RTF1: variants seen among roughly 807,000 people sequenced by gnomAD.
RTF1 encodes the protein RNA polymerase-associated protein RTF1 homolog.
In RTF1, 10 loss-of-function variants were observed where a neutral mutation model predicts 95.7. The observed-to-expected ratio is 0.10, with a 90% CI of 0.06 to 0.18. The LOEUF (loss-of-function observed/expected upper bound fraction) is 0.18. Ranked by LOEUF, RTF1 falls within the 10% of genes least tolerant of loss-of-function variation. The pLI, the probability that RTF1 is intolerant of heterozygous loss-of-function variation, is 1.00. For synonymous variants in RTF1, 305 were observed against 311.8 expected, an observed-to-expected ratio of 0.98 and a Z score of 0.23; for missense variants, 458 against 875.6, an observed-to-expected ratio of 0.52 and a Z score of 6.02.
intron 4 of RTF1, among the ~76,000 whole-genome samples, chr15:41,463,082 A>G (rs1220971791): frequency 6.6e-6 from 1 of 152,202 alleles, no homozygotes; most frequent in Non-Finnish European, 1.5e-5. Flanking sequence ...TGAAATCATA[A>G]TATGTAGTCT....
chr15:41,442,867 C>T (rs1360393453), intron 2 of RTF1, among the ~76,000 whole-genome samples: 1 of 152,060 alleles, frequency 6.6e-6, no homozygotes, highest in East Asian at 1.9e-4. Context: ...GGCTGGGCCC[C>T]AGAGTGAGAC....
chr15:41,439,332 ACT>A (rs1210386463), intron 2 of RTF1, among the ~76,000 whole-genome samples: 2 of 150,854 alleles, frequency 1.3e-5, no homozygotes, highest in East Asian at 3.9e-4. Context: ...CTGCGCCCGG[ACT>A]CTCTTTTTTC....
Position 41,421,957 on chromosome 15 carries a change from C to T in RTF1, c.198+4644C>T, listed in dbSNP as rs992122129. ...GAAACTCCTGGGCTTGGGTGATTCT[C>T]AGGCTTTGGCCTCCCAAAGTGCTGG... On this transcript the variant is annotated intron_variant, in intron 1 of 17. Transcript: ENST00000389629. Among the ~76,000 whole-genome samples the T allele has an allele frequency of 1.6e-4, 25 of 152,152 alleles. 1 individual carries two copies.
chr15:41,469,667 A>T (rs1282126785), intron 6 of RTF1, among the ~76,000 whole-genome samples: 1 of 151,930 alleles, frequency 6.6e-6, no homozygotes, highest in Non-Finnish European at 1.5e-5. Context: ...CTGGGATAAC[A>T]GGTGCCGGCC....
intron 1 of RTF1, among the ~76,000 whole-genome samples, chr15:41,426,917 C>T (rs189908956): frequency 1.3e-5 from 2 of 150,054 alleles, no homozygotes; most frequent in Non-Finnish European, 3.0e-5. Context: ...TCTCGGCTCA[C>T]TGCAACCTCC....
At position 41,472,267 on chromosome 15, in the gene RTF1, C is replaced by T. The variant is rs1402713602; in HGVS notation, c.1203+918C>T. 2.0e-5 allele frequency among the ~76,000 whole-genome samples: 3 copies of T among 151,396 alleles called. No individual in the cohort carries two copies. In the East Asian group the frequency reaches 5.8e-4, roughly 29 times the overall value. On this transcript the variant is annotated intron_variant, in intron 8 of 17. Coordinates refer to ENST00000389629, the MANE Select transcript of RTF1 (RefSeq NM_015138.5). ...TGTCGCCCAGGCTGGAGTGCAATGG[C>T]ACGATCTTGGCTCACTGCAACCTCC...
In RTF1 at chr15:41,475,581, C is replaced by T; in HGVS notation, c.1343C>T (p.Thr448Ile). The T allele has an allele frequency of 6.2e-7, 1 of 1,614,084 alleles. No homozygotes were observed. The highest frequency in any genetic ancestry group is 8.5e-7 in the Non-Finnish European group (1 of 1,180,008). Residue 448 changes from threonine to isoleucine, a missense_variant, in exon 10 of 18, where the codon ACC (threonine) becomes ATC (isoleucine). By Grantham distance (89) the Thr-to-Ile change is moderately conservative (BLOSUM62 -1). This residue lies in a region of RTF1 where 150 missense variants were observed against 275.7 expected (regional missense o/e 0.54). Transcript: ENST00000389629. Reference protein sequence around the residue: ...RLEFVSNQEFTESEFMKWKEA... With the variant: ...RLEFVSNQEFIESEFMKWKEA... ...GAGTTTGTCTCAAACCAAGAATTCA[C>T]CGAAAGTGAGTTTATGAAGTGGAAA...
chr15:41,417,108 G>T lies in RTF1; in HGVS notation c.-8G>T. 8.1e-7 allele frequency: 1 copy of T among 1,236,854 alleles called. No individual in the cohort carries two copies. Among genetic ancestry groups the T allele is most frequent in the East Asian group, 3.2e-5 (1 of 31,548 alleles). 76.6% of individuals were successfully genotyped at this position (1,236,854 alleles called of 1,614,324 possible). A position where few individuals can be genotyped will look rare whatever the true frequency, so the allele number is the denominator to read the frequency against. The stretch of plus-strand genomic sequence containing the variant: ...GGGGCGGGGCCAGGGGGGCGGAGCG[G>T]AGCGCGCATGCGCGGTCGCCTTTGT... On this transcript the variant is annotated 5_prime_UTR_variant, in exon 1 of 18. Transcript: ENST00000389629.
intron 3 of RTF1, among the ~76,000 whole-genome samples, chr15:41,454,884 T>C (rs1463179549): frequency 1.3e-5 from 2 of 152,202 alleles, no homozygotes; most frequent in Non-Finnish European, 2.9e-5. Context: ...ACATTTGAGT[T>C]TGTGAATACC....
rs762240543 is a variant in RTF1 at position 41,474,697 on chromosome 15, A to G, written c.1281A>G (p.Gln427=). ...LGGTRTNKGL[Q]LRHGNDQRVF... ...GCACCAGAACAAACAAAGGGCTGCAACTACGGTAGGAGGCACTTCTGGGGT... is the reference window on the plus strand; with the variant it reads ...GCACCAGAACAAACAAAGGGCTGCAGCTACGGTAGGAGGCACTTCTGGGGT... The change falls in exon 9 of 18, where the codon CAA becomes CAG. Residue 427 remains glutamine (Q), a synonymous_variant. Coordinates refer to ENST00000389629, the MANE Select transcript of RTF1 (RefSeq NM_015138.5). 5 of 1,613,366 alleles carry G rather than the reference A, an allele frequency of 3.1e-6. No homozygotes were observed. Among genetic ancestry groups the G allele is most frequent in the Non-Finnish European group, 3.4e-6 (4 of 1,179,236 alleles).
rs143362058 is a variant in RTF1 at position 41,451,826 on chromosome 15, A to G, written c.310-1075A>G. On this transcript the variant is annotated intron_variant, in intron 2 of 17. Transcript: ENST00000389629. ...ATATCAGCCATTAACAATTACTGCC[A>G]TCTCTGCCACATAAAACATCAGAAG... 2.4e-3 allele frequency among the ~76,000 whole-genome samples: 373 copies of G among 152,280 alleles called. 1 individual carries two copies. The highest frequency in any genetic ancestry group is 8.5e-3 in the African/African-American group (355 of 41,558).
At chr15:41,424,749 G>A (rs1036802048) in intron 1 of RTF1, among the ~76,000 whole-genome samples, 5 of 152,166 alleles carry the variant, frequency 3.3e-5, no homozygotes, top group African/African-American at 9.7e-5. Flanking sequence ...AGTGGCTCAC[G>A]CCTTTAATCC....
rs1454939490 is a variant in RTF1, at chr15:41,417,187, G to A, written c.72G>A (p.Gly24=). ...AAAVAVPLAG[G]QEGSPGGGRR... ...CAGTGGCGGTCCCACTGGCAGGCGGGCAAGAGGGGAGTCCGGGCGGCGGCC... is the reference window on the plus strand; with the variant it reads ...CAGTGGCGGTCCCACTGGCAGGCGGACAAGAGGGGAGTCCGGGCGGCGGCC... Residue 24 remains glycine (G), a synonymous_variant, in exon 1 of 18, where the codon GGG becomes GGA. Transcript: ENST00000389629. 4 of 1,264,726 alleles carry A rather than the reference G, an allele frequency of 3.2e-6. No individual in the cohort carries two copies. Among genetic ancestry groups the A allele is most frequent in the South Asian group, 3.6e-5 (1 of 27,930 alleles). The allele number at this position is 1,264,726 out of a possible 1,614,324, so 78.3% of individuals were successfully genotyped here.
At chr15:41,462,461 T>C (rs1360709667) in intron 4 of RTF1, among the ~76,000 whole-genome samples, 3 of 152,150 alleles carry the variant, frequency 2.0e-5, no homozygotes, top group Non-Finnish European at 4.4e-5. Flanking sequence ...CACTTTCTCT[T>C]CCTGCCTCAG....
intron 1 of RTF1, among the ~76,000 whole-genome samples, chr15:41,418,332 A>G (rs1475516835): frequency 1.3e-5 from 2 of 152,166 alleles, no homozygotes; most frequent in Non-Finnish European, 2.9e-5. Context: ...GGCTTATGCT[A>G]TTTTCTAGCT....
intron 1 of RTF1, 84 bp downstream of exon 1, chr15:41,417,397 C>A: frequency 8.6e-7 from 1 of 1,158,578 alleles, no homozygotes; most frequent in Non-Finnish European, 1.1e-6. Flanking sequence ...GGGCCTGGAG[C>A]CTTCCTACCA....
chr15:41,417,334 C>T, intron 1 of RTF1, 21 bp downstream of exon 1: 1 of 1,245,900 alleles, frequency 8.0e-7, no homozygotes, highest in Admixed American at 4.2e-5. Flanking sequence ...GCCGCGGAGG[C>T]GCGGGCCGGC....
chr15:41,455,103 C>T (rs1464412190), intron 3 of RTF1, among the ~76,000 whole-genome samples: 1 of 151,910 alleles, frequency 6.6e-6, no homozygotes, highest in African/African-American at 2.4e-5. Context: ...ATCACAAGGT[C>T]AGGAGTTTGA....
At chr15:41,417,651 G>A (rs1372797884) in intron 1 of RTF1, among the ~76,000 whole-genome samples, 1 of 152,242 alleles carries the variant, frequency 6.6e-6, no homozygotes, top group Non-Finnish European at 1.5e-5. Flanking sequence ...TCCGGGCTGG[G>A]AGAGATAGGA....
Sources: allele counts gnomAD v4.1 joint callset (sites outside exome capture counted in the v4.1 genomes callset), GRCh38; gene constraint gnomAD v4.1.1; regional missense constraint gnomAD v4.1.1; transcripts MANE v1.5; gene names NCBI Gene and HGNC (gene_info 2026-07-23, HGNC 2026-07-21).